SAMMSON: variants seen among roughly 807,000 people sequenced by gnomAD.
SAMMSON encodes the protein long intergenic non-protein coding RNA 1212.
At chr3:70,251,374 T>A (rs1396876573) in intron 6 of SAMMSON, among the ~76,000 whole-genome samples, 1 of 152,236 alleles carries the variant, frequency 6.6e-6, no homozygotes, top group Non-Finnish European at 1.5e-5. Flanking sequence ...AGGGGGACTA[T>A]CTGATTTTTT....
intron 2 of SAMMSON, among the ~76,000 whole-genome samples, chr3:70,429,910 A>G (rs1701400594): frequency 6.6e-6 from 1 of 152,224 alleles, no homozygotes; most frequent in African/African-American, 2.4e-5. Flanking sequence ...TGTCATCTGC[A>G]AACAGAGACA....
intron 1 of SAMMSON, among the ~76,000 whole-genome samples, chr3:70,010,085 T>G (rs4443177): frequency 1.3e-5 from 2 of 152,074 alleles, no homozygotes; most frequent in African/African-American, 2.4e-5. Context: ...GGAATAAGTG[T>G]GATGTGGTGC....
chr3:70,351,953 A>T (rs1407760399), intron 7 of SAMMSON, among the ~76,000 whole-genome samples: 2 of 151,778 alleles, frequency 1.3e-5, no homozygotes, highest in Non-Finnish European at 2.9e-5. Context: ...TGAACAACAG[A>T]AAAAAAAGAG....
intron 4 of SAMMSON, among the ~76,000 whole-genome samples, chr3:70,121,189 A>G (rs1216052409): frequency 2.0e-5 from 3 of 152,190 alleles, no homozygotes; most frequent in African/African-American, 7.2e-5. Context: ...TCAGGTGGTG[A>G]TGTGAGCCAT....
intron 6 of SAMMSON, among the ~76,000 whole-genome samples, chr3:70,263,282 G>A (rs900343134): frequency 9.2e-5 from 14 of 151,492 alleles, no homozygotes; most frequent in African/African-American, 3.4e-4. Context: ...TCGAGTGCTG[G>A]TTTTTAAAAA....
chr3:70,006,343 TAAGA>T (rs2066926272), intron 1 of SAMMSON, among the ~76,000 whole-genome samples: 1 of 152,160 alleles, frequency 6.6e-6, no homozygotes. Context: ...AACCACATCA[TAAGA>T]AAGAGGAAGG....
chr3:70,147,898 A>G (rs576403381), intron 4 of SAMMSON, among the ~76,000 whole-genome samples: 35 of 152,098 alleles, frequency 2.3e-4, no homozygotes, highest in Non-Finnish European at 1.0e-4. Flanking sequence ...TAAAAATTAC[A>G]TTTCCAACAA....
intron 7 of SAMMSON, among the ~76,000 whole-genome samples, chr3:70,300,300 T>TAAA (rs918656904): frequency 1.2e-3 from 182 of 152,170 alleles, no homozygotes; most frequent in African/African-American, 4.2e-3. Flanking sequence ...TCTATTGATT[T>TAAA]ATAGATAAAC....
At chr3:70,349,929 G>GT (rs200332026) in intron 7 of SAMMSON, among the ~76,000 whole-genome samples, 242 of 151,442 alleles carry the variant, frequency 1.6e-3, no homozygotes, top group African/African-American at 5.3e-3. Context: ...TGTGAAGTAT[G>GT]TTTTTTTTTG....
chr3:70,076,610 T>C (rs2067249352), intron 4 of SAMMSON, among the ~76,000 whole-genome samples: 1 of 152,144 alleles, frequency 6.6e-6, no homozygotes, highest in South Asian at 2.1e-4. Context: ...AGCTACATTA[T>C]CTAGAAAATT....
intron 4 of SAMMSON, among the ~76,000 whole-genome samples, chr3:70,196,592 T>G (rs1255005324): frequency 6.6e-6 from 1 of 152,220 alleles, no homozygotes; most frequent in Non-Finnish European, 1.5e-5. Context: ...GAATCCATAA[T>G]GCAAGCTGAT....
At chr3:70,349,585 A>G (rs542112295) in intron 7 of SAMMSON, among the ~76,000 whole-genome samples, 2 of 152,328 alleles carry the variant, frequency 1.3e-5, no homozygotes, top group South Asian at 4.1e-4. Flanking sequence ...GAGAGGAGGA[A>G]AAATAACTTT....
At chr3:70,079,288 AT>A (rs1322738245) in intron 4 of SAMMSON, among the ~76,000 whole-genome samples, 1 of 152,178 alleles carries the variant, frequency 6.6e-6, no homozygotes, top group Non-Finnish European at 1.5e-5. Flanking sequence ...CTCTAGGTCC[AT>A]TGATCATCTT....
chr3:70,121,849 T>C lies in SAMMSON; in HGVS notation n.507+50284T>C, dbSNP rs139034818. 4.6e-3 allele frequency among the ~76,000 whole-genome samples: 695 copies of C among 152,224 alleles called. 2 individuals are homozygous for C. Among genetic ancestry groups the C allele is most frequent in the Non-Finnish European group, 7.5e-3 (511 of 68,018 alleles). Reference sequence around the variant, plus strand: ...CTACGTAGCTTAACTACTTTAAGCTTGCATTCTCCCATTTGAAAGTGTGGA... The same window carrying C: ...CTACGTAGCTTAACTACTTTAAGCTCGCATTCTCCCATTTGAAAGTGTGGA... On this transcript the variant is annotated intron_variant and non_coding_transcript_variant, in intron 4 of 9. Coordinates refer to ENST00000642114, the Ensembl canonical transcript of SAMMSON.
intron 4 of SAMMSON, among the ~76,000 whole-genome samples, chr3:70,141,145 T>C (rs144862524): frequency 6.6e-6 from 1 of 152,312 alleles, no homozygotes; most frequent in East Asian, 1.9e-4. Context: ...TGCCCACTTC[T>C]TGACACAAAA....
chr3:70,242,273 C>T (rs1701672171), intron 4 of SAMMSON, among the ~76,000 whole-genome samples: 1 of 152,156 alleles, frequency 6.6e-6, no homozygotes, highest in Non-Finnish European at 1.5e-5. Context: ...CAAGTTGGCT[C>T]TGATAACATC....
chr3:70,125,812 T>C, intron 4 of SAMMSON: 1 of 661,638 alleles, frequency 1.5e-6, no homozygotes, highest in Non-Finnish European at 2.7e-6. Context: ...TTTGGGTCTT[T>C]GGGGCTGAAG....
intron 4 of SAMMSON, among the ~76,000 whole-genome samples, chr3:70,148,819 C>A (rs1362243993): frequency 6.6e-6 from 1 of 152,062 alleles, no homozygotes; most frequent in Non-Finnish European, 1.5e-5. Context: ...CACTGGGGAT[C>A]AAATTTCAAC....
chr3:70,078,581 CT>C (rs2067256914), intron 4 of SAMMSON, among the ~76,000 whole-genome samples: 2 of 152,302 alleles, frequency 1.3e-5, no homozygotes, highest in South Asian at 4.1e-4. Flanking sequence ...CTCGATTTAT[CT>C]GCTTCTTTGG....
Sources: allele counts gnomAD v4.1 joint callset (sites outside exome capture counted in the v4.1 genomes callset), GRCh38; gene constraint gnomAD v4.1.1; transcripts MANE v1.5; gene names NCBI Gene and HGNC (gene_info 2026-07-23, HGNC 2026-07-21).